NCKAP5L: variants seen among roughly 807,000 people sequenced by gnomAD.
The protein encoded by NCKAP5L is nck-associated protein 5-like.
NCKAP5L carries 54 observed loss-of-function variants against 103.2 expected under a neutral mutation model. The observed-to-expected ratio is 0.52, with a 90% CI of 0.42 to 0.66. NCKAP5L has a LOEUF of 0.66. Among genes scored for constraint, NCKAP5L ranks in the 30% least tolerant of loss-of-function variants. The pLI, the probability that NCKAP5L is intolerant of heterozygous loss-of-function variation, is 0.00. For synonymous variants in NCKAP5L, 762 were observed against 748.6 expected, an observed-to-expected ratio of 1.02 and a Z score of -0.29; for missense variants, 1,733 against 1,750.6, an observed-to-expected ratio of 0.99 and a Z score of 0.18.
intron 1 of NCKAP5L, among the ~76,000 whole-genome samples, chr12:49,823,165 T>A (rs547434608): frequency 6.6e-6 from 1 of 152,114 alleles, no homozygotes; most frequent in Non-Finnish European, 1.5e-5. Context: ...CAGGGGCACT[T>A]CCACCTGGGT....
At chr12:49,802,868 A>G in intron 5 of NCKAP5L, 90 bp downstream of exon 5, 3 of 1,435,550 alleles carry the variant, frequency 2.1e-6, no homozygotes, top group Non-Finnish European at 2.8e-6. Context: ...ACTGGAGGGC[A>G]ACAGCCCATG....
Position 49,792,031 on chromosome 12 carries a change from C to T in NCKAP5L, c.3813G>A (p.Lys1271=), listed in dbSNP as rs1286013515. The T allele has an allele frequency of 1.3e-6, 2 of 1,557,348 alleles. No homozygotes were observed. The highest frequency in any genetic ancestry group is 1.2e-5 in the South Asian group (1 of 82,854). The part of the protein sequence containing the change: ...RTPMALPVDR[K]RSQEPSRPSP... Reference sequence around the variant, plus strand: ...ACGGGCGGCTGGGCTCCTGGCTTCGCTTCCGGTCCACGGGCAGGGCCTGGG... The same window carrying T: ...ACGGGCGGCTGGGCTCCTGGCTTCGTTTCCGGTCCACGGGCAGGGCCTGGG... Residue 1271 remains lysine, a synonymous_variant, in exon 13 of 13, where the codon AAG becomes AAA. Coordinates refer to ENST00000335999, the MANE Select transcript of NCKAP5L (RefSeq NM_001037806.4). This position sits in a 1 kb window ranked among gnomAD's most constrained non-coding sequence, Gnocchi z 4.5.
In NCKAP5L at chr12:49,793,433, G is replaced by A; in HGVS notation, c.3259C>T (p.Pro1087Ser). Reference sequence around the variant, plus strand: ...TCCCGCCTCCCTGGCTCGCTGCTCGGCTGTGTGGGATACAGGAGACCTCAT... The same window carrying A: ...TCCCGCCTCCCTGGCTCGCTGCTCGACTGTGTGGGATACAGGAGACCTCAT... The part of the protein sequence containing the change: ...LQGCGKPPGK[P>S]SSEPGRREEM... Residue 1087 changes from proline to serine, a missense_variant and splice_region_variant, in exon 10 of 13, where the codon CCG (proline) becomes TCG (serine). Pro to Ser is a moderately conservative substitution (Grantham distance 74). Transcript: ENST00000335999. 1 of 1,609,400 alleles carries A rather than the reference G, an allele frequency of 6.2e-7. No individual in the cohort carries two copies. The highest frequency in any genetic ancestry group is 1.1e-5 in the South Asian group (1 of 91,078).
At chr12:49,828,081 G>A (rs1946441611) in intron 1 of NCKAP5L, among the ~76,000 whole-genome samples, 1 of 152,078 alleles carries the variant, frequency 6.6e-6, no homozygotes, top group Non-Finnish European at 1.5e-5. Context: ...GATGGCGCGG[G>A]GGGCGGGAGG....
In NCKAP5L at chr12:49,801,840, A is replaced by G. The variant is rs780574099; in HGVS notation, c.351+8T>C. On this transcript the variant is annotated splice_region_variant and intron_variant, in intron 6 of 12. Coordinates refer to ENST00000335999, the MANE Select transcript of NCKAP5L (RefSeq NM_001037806.4). The stretch of plus-strand genomic sequence containing the variant: ...TGCGATGGGAGTGAAAGGAGCGCAG[A>G]TGCCTACCTGAGGGAGCGAGCCTGT... 8.7e-6 allele frequency: 14 copies of G among 1,613,896 alleles called. No individual in the cohort carries two copies. The Middle Eastern group carries it at 4.9e-4, about 57-fold the overall frequency.
chr12:49,804,089 G>T lies in NCKAP5L; in HGVS notation c.-36-9C>A. 2.5e-6 allele frequency: 4 copies of T among 1,600,556 alleles called. No homozygotes were observed. The highest frequency in any genetic ancestry group is 2.5e-6 in the Non-Finnish European group (3 of 1,178,492). ...AGAGAAGCCCCGGCAGGCTACTCCAGGGAATGAGGAGGAAGTGAGAAGGAG... is the reference window on the plus strand; with the variant it reads ...AGAGAAGCCCCGGCAGGCTACTCCATGGAATGAGGAGGAAGTGAGAAGGAG... On this transcript the variant is annotated splice_polypyrimidine_tract_variant and intron_variant, in intron 2 of 12. Coordinates refer to ENST00000335999, the MANE Select transcript of NCKAP5L (RefSeq NM_001037806.4).
At chr12:49,808,220 G>C (rs1304708632) in intron 1 of NCKAP5L, among the ~76,000 whole-genome samples, 1 of 152,226 alleles carries the variant, frequency 6.6e-6, no homozygotes, top group East Asian at 1.9e-4. Flanking sequence ...GTTCCACTGA[G>C]AATGGGGGAG....
At chr12:49,825,166 C>T (rs542596635) in intron 1 of NCKAP5L, among the ~76,000 whole-genome samples, 1 of 152,348 alleles carries the variant, frequency 6.6e-6, no homozygotes, top group East Asian at 1.9e-4. Context: ...AGGATTCCTT[C>T]CAGCCTATGC....
chr12:49,797,422 G>A lies in NCKAP5L; in HGVS notation c.466-28C>T, dbSNP rs1049107989. 4 of 1,516,650 alleles carry A rather than the reference G, an allele frequency of 2.6e-6. No homozygotes were observed. The highest frequency in any genetic ancestry group is 3.6e-6 in the Non-Finnish European group (4 of 1,113,976). The allele number at this position is 1,516,650 out of a possible 1,614,324, so 93.9% of individuals were successfully genotyped here. The stretch of plus-strand genomic sequence containing the variant: ...TAGGGGAGAGATGATGGCATGAGGA[G>A]GAGACCACACACAGCTGGGATCCAG... On this transcript the variant is annotated intron_variant, in intron 7 of 12. Coordinates refer to ENST00000335999, the MANE Select transcript of NCKAP5L (RefSeq NM_001037806.4). This position sits in a 1 kb window ranked among gnomAD's most constrained non-coding sequence, Gnocchi z 4.5.
chr12:49,797,513 C>A lies in NCKAP5L; in HGVS notation c.466-119G>T. Reference sequence around the variant, plus strand: ...AGGAACAGAGCTGGCCTGGTTGTGTCTGTGTCCCCAAAAGGAATTAACAGC... The same window carrying A: ...AGGAACAGAGCTGGCCTGGTTGTGTATGTGTCCCCAAAAGGAATTAACAGC... On this transcript the variant is annotated intron_variant, in intron 7 of 12. Coordinates refer to ENST00000335999, the MANE Select transcript of NCKAP5L (RefSeq NM_001037806.4). This position sits in a 1 kb window ranked among gnomAD's most constrained non-coding sequence, Gnocchi z 4.5. The A allele has an allele frequency of 1.4e-6, 1 of 739,564 alleles. No homozygotes were observed. The highest frequency in any genetic ancestry group is 1.9e-5 in the South Asian group (1 of 53,928). 45.8% of individuals were successfully genotyped at this position (739,564 alleles called of 1,614,324 possible).
intron 1 of NCKAP5L, among the ~76,000 whole-genome samples, chr12:49,815,609 C>G (rs1247292766): frequency 2.0e-5 from 3 of 152,162 alleles, no homozygotes; most frequent in Non-Finnish European, 4.4e-5. Flanking sequence ...CATGCCTCAG[C>G]CTCCTGAGTA....
At chr12:49,793,215 C>T in intron 10 of NCKAP5L, 137 bp downstream of exon 10, 1 of 907,990 alleles carries the variant, frequency 1.1e-6, no homozygotes, top group Non-Finnish European at 1.7e-6. Context: ...CTGTGTAGCT[C>T]CAGTGCCCAC....
At chr12:49,810,693 A>C (rs1946230830) in intron 1 of NCKAP5L, among the ~76,000 whole-genome samples, 1 of 152,236 alleles carries the variant, frequency 6.6e-6, no homozygotes. Flanking sequence ...CCTTCTATTA[A>C]GTCAGACAGA....
intron 1 of NCKAP5L, among the ~76,000 whole-genome samples, chr12:49,817,855 C>G (rs577903948): frequency 2.6e-5 from 4 of 152,240 alleles, no homozygotes; most frequent in Non-Finnish European, 4.4e-5. Context: ...CCTGGCCGGG[C>G]GCAGTGCTCA....
At chr12:49,798,027 T>C (rs1458565292) in intron 7 of NCKAP5L, among the ~76,000 whole-genome samples, 2 of 152,206 alleles carry the variant, frequency 1.3e-5, no homozygotes, top group Non-Finnish European at 2.9e-5. Context: ...TTATTTGAGC[T>C]CTAAGCTGCT....
In NCKAP5L at chr12:49,795,433, C is replaced by T. The variant is rs534193988; in HGVS notation, c.2427G>A (p.Lys809=). ...GCTTGGTGGGGCTGCTGTGAGGGCT[C>T]TTATTGGGCTTGCCCAGGCTTGGGG... ...TSAPSLGKPN[K]SPHSSPTKLP... Residue 809 remains lysine (K), a synonymous_variant, in exon 8 of 13, where the codon AAG becomes AAA. Transcript: ENST00000335999. 1,013 of 1,581,756 alleles carry T rather than the reference C, an allele frequency of 6.4e-4. 17 individuals carry two copies. The South Asian group carries it at 0.011, about 17-fold the overall frequency.
In NCKAP5L at chr12:49,795,941, T is replaced by A. The variant is rs368983435; in HGVS notation, c.1919A>T (p.Asn640Ile). ...CCCCTGGCTGGGCTTCTTGGATGAG[T>A]TGCCTGGGGTCCTGCGGCCGGGATG... ...SPHPGRRTPG[N>I]SSKKPSQGSG... Residue 640 changes from asparagine to isoleucine, a missense_variant, in exon 8 of 13, where the codon AAC (asparagine) becomes ATC (isoleucine). Coordinates refer to ENST00000335999, the MANE Select transcript of NCKAP5L (RefSeq NM_001037806.4). 6.5e-7 allele frequency: 1 copy of A among 1,528,036 alleles called. No individual in the cohort carries two copies. Among genetic ancestry groups the A allele is most frequent in the Non-Finnish European group, 8.7e-7 (1 of 1,144,670 alleles). 94.7% of individuals were successfully genotyped at this position (1,528,036 alleles called of 1,614,324 possible).
intron 1 of NCKAP5L, among the ~76,000 whole-genome samples, chr12:49,818,009 A>C (rs1037010506): frequency 6.6e-6 from 1 of 152,060 alleles, no homozygotes; most frequent in African/African-American, 2.4e-5. Flanking sequence ...CATGCCTGTA[A>C]TTCCAGCTAC....
intron 1 of NCKAP5L, among the ~76,000 whole-genome samples, chr12:49,823,134 C>T (rs1946379222): frequency 6.6e-6 from 1 of 152,100 alleles, no homozygotes; most frequent in South Asian, 2.1e-4. Flanking sequence ...AGCATGGTAA[C>T]ACCACTATTC....
Sources: allele counts gnomAD v4.1 joint callset (sites outside exome capture counted in the v4.1 genomes callset), GRCh38; gene constraint gnomAD v4.1.1; non-coding constraint Gnocchi (gnomAD v3.1); transcripts MANE v1.5; gene names NCBI Gene and HGNC (gene_info 2026-07-23, HGNC 2026-07-21).